Variants in SKI observed in about 807,000 individuals in gnomAD.
SKI encodes the protein ski oncogene.
SKI carries 23 observed loss-of-function variants against 59.3 expected under a neutral mutation model. The observed-to-expected ratio is 0.39, with a 90% confidence interval of 0.28 to 0.55. SKI has a LOEUF of 0.55. Among genes scored for constraint, SKI ranks in the 20% least tolerant of loss-of-function variants. The pLI, the probability that SKI is intolerant of heterozygous loss-of-function variation, is 0.67. For synonymous variants in SKI, 673 were observed against 488.6 expected, an observed-to-expected ratio of 1.38 and a Z score of -4.98; for missense variants, 1,017 against 1,038.9, an observed-to-expected ratio of 0.98 and a Z score of 0.29.
At chr1:2,288,655 GC>G (rs1640097210) in intron 1 of SKI, among the ~76,000 whole-genome samples, 1 of 152,174 alleles carries the variant, frequency 6.6e-6, no homozygotes, top group Non-Finnish European at 1.5e-5. Context: ...GTCCTGAGTG[GC>G]CTTGGTTGGC....
intron 1 of SKI, among the ~76,000 whole-genome samples, chr1:2,249,088 C>T (rs1002102873): frequency 2.0e-5 from 3 of 152,236 alleles, no homozygotes; most frequent in East Asian, 3.9e-4. Context: ...CAGATGCGGT[C>T]GAGTGCTGTT....
intron 1 of SKI, among the ~76,000 whole-genome samples, chr1:2,251,717 C>T (rs547159049): frequency 6.6e-5 from 10 of 152,356 alleles, no homozygotes; most frequent in African/African-American, 1.9e-4. Context: ...GATAGGTTCA[C>T]AGGTCTCAGC....
At chr1:2,256,690 G>A (rs534083681) in intron 1 of SKI, among the ~76,000 whole-genome samples, 11 of 152,360 alleles carry the variant, frequency 7.2e-5, no homozygotes, top group African/African-American at 1.4e-4. Context: ...ACTTGTCGGC[G>A]CTCCTCAGCG....
chr1:2,243,970 T>C (rs1250655526), intron 1 of SKI, among the ~76,000 whole-genome samples: 3 of 152,018 alleles, frequency 2.0e-5, no homozygotes, highest in Non-Finnish European at 4.4e-5. Context: ...CTTTCTTTCT[T>C]TCTTTCTTTT....
intron 1 of SKI, among the ~76,000 whole-genome samples, chr1:2,246,853 T>TG (rs74971112): frequency 0.35 from 53,250 of 151,580 alleles, 9,620 homozygotes; most frequent in Admixed American, 0.45. Flanking sequence ...AGGAACCTGA[T>TG]GGGGGGGGCC....
intron 1 of SKI, among the ~76,000 whole-genome samples, chr1:2,287,894 C>G (rs1433919593): frequency 6.6e-6 from 1 of 152,228 alleles, no homozygotes; most frequent in Non-Finnish European, 1.5e-5. Context: ...GAGCCCTGAG[C>G]CCCGCCTTGA....
chr1:2,289,214 C>T (rs1230640252), intron 1 of SKI, among the ~76,000 whole-genome samples: 2 of 152,186 alleles, frequency 1.3e-5, no homozygotes, highest in Non-Finnish European at 2.9e-5. Context: ...TTGAGCCTCT[C>T]TAGGCAGGGA....
At position 2,308,567 on chromosome 1, in the gene SKI, T is replaced by C. The variant is rs2173049; in HGVS notation, c.*1802T>C. 0.83 allele frequency: 126,508 copies of C among 152,152 alleles called. 52,858 individuals carry two copies. Among genetic ancestry groups the C allele is most frequent in the Admixed American group, 0.86 (13,221 of 15,292 alleles). 9.4% of individuals were successfully genotyped at this position (152,152 alleles called of 1,614,324 possible). A position where few individuals can be genotyped will look rare whatever the true frequency, so the allele number is the denominator to read the frequency against. ...AAAGGGTCGGTTTTGTTATGCAACATGCAGAATGCTGTTTTTAGCCTTGTT... is the reference window on the plus strand; with the variant it reads ...AAAGGGTCGGTTTTGTTATGCAACACGCAGAATGCTGTTTTTAGCCTTGTT... On this transcript the variant is annotated 3_prime_UTR_variant, in exon 7 of 7. Coordinates refer to ENST00000378536, the MANE Select transcript of SKI (RefSeq NM_003036.4).
intron 1 of SKI, among the ~76,000 whole-genome samples, chr1:2,302,446 CG>C (rs1335051615): frequency 6.6e-6 from 1 of 152,174 alleles, no homozygotes; most frequent in Non-Finnish European, 1.5e-5. Context: ...CACAGGGACA[CG>C]GTGTCCCCTC....
chr1:2,242,895 G>A (rs1638910628), intron 1 of SKI, among the ~76,000 whole-genome samples: 1 of 152,224 alleles, frequency 6.6e-6, no homozygotes, highest in South Asian at 2.1e-4. Context: ...TATTTCTGTG[G>A]CTGTGTTCTC....
rs766341191 is a variant in SKI, at chr1:2,303,893, C to T, written c.1265C>T (p.Ala422Val). 1.9e-6 allele frequency: 3 copies of T among 1,612,344 alleles called. No homozygotes were observed. In the East Asian group the frequency reaches 6.7e-5, roughly 36 times the overall value. Residue 422 changes from alanine (A) to valine (V), a missense_variant, in exon 4 of 7, where the codon GCA becomes GTA. Coordinates refer to ENST00000378536, the MANE Select transcript of SKI (RefSeq NM_003036.4). The surrounding 1 kb of genome is among the most constrained non-coding windows in gnomAD (Gnocchi z 5.6). ...ETAVAPNVAL[A>V]PPAQQKVVSS... is the part of the protein sequence containing the mutation. ...GCCGTGGCGCCCAACGTGGCCCTCGCACCGCCGGCCCAGCAGAAGGTTGTG... is the reference window on the plus strand; with the variant it reads ...GCCGTGGCGCCCAACGTGGCCCTCGTACCGCCGGCCCAGCAGAAGGTTGTG...
rs541130281 is a variant in SKI at position 2,267,603 on chromosome 1, G to A, written c.970-35375G>A. ...CATTAGGGGCCACGTGGTCAGCACT[G>A]CACTCTGCTCTCATCGGAAGCTGGG... On this transcript the variant is annotated intron_variant, in intron 1 of 6. Coordinates refer to ENST00000378536, the MANE Select transcript of SKI (RefSeq NM_003036.4). This position sits in a 1 kb window ranked among gnomAD's most constrained non-coding sequence, Gnocchi z 4.1. Among the ~76,000 whole-genome samples the A allele has an allele frequency of 3.3e-5, 5 of 152,300 alleles. No individual in the cohort carries two copies. The East Asian group carries it at 7.7e-4, about 24-fold the overall frequency.
At chr1:2,237,675 A>C (rs1457036479) in intron 1 of SKI, among the ~76,000 whole-genome samples, 2 of 152,216 alleles carry the variant, frequency 1.3e-5, no homozygotes, top group African/African-American at 2.4e-5. Context: ...TGCTTTTACT[A>C]TGGAGCAGAT....
At chr1:2,280,330 G>C (rs1639845308) in intron 1 of SKI, among the ~76,000 whole-genome samples, 1 of 151,732 alleles carries the variant, frequency 6.6e-6, no homozygotes, top group Non-Finnish European at 1.5e-5. Flanking sequence ...GAGCTGAGAT[G>C]GCACCACTGC....
chr1:2,231,582 C>T (rs1163937167), intron 1 of SKI, among the ~76,000 whole-genome samples: 2 of 152,308 alleles, frequency 1.3e-5, no homozygotes, highest in African/African-American at 2.4e-5. Context: ...CAGCGGATGC[C>T]TCCGAGCCGC....
rs1169551053 is a variant in SKI, at chr1:2,270,025, G to T, written c.970-32953G>T. Reference sequence around the variant, plus strand: ...GCCTGTGGCTGGCGTGGGTCTGGCGGGTCTGGCATGTTTGGTGGTGCCTGC... The same window carrying T: ...GCCTGTGGCTGGCGTGGGTCTGGCGTGTCTGGCATGTTTGGTGGTGCCTGC... On this transcript the variant is annotated intron_variant, in intron 1 of 6. Coordinates refer to ENST00000378536, the MANE Select transcript of SKI (RefSeq NM_003036.4). The surrounding 1 kb of genome is among the most constrained non-coding windows in gnomAD (Gnocchi z 4.1). 6.6e-6 allele frequency among the ~76,000 whole-genome samples: 1 copy of T among 151,864 alleles called. No homozygotes were observed. The highest frequency in any genetic ancestry group is 1.5e-5 in the Non-Finnish European group (1 of 67,932).
intron 1 of SKI, among the ~76,000 whole-genome samples, chr1:2,273,143 C>T (rs1569780957): frequency 6.6e-6 from 1 of 152,216 alleles, no homozygotes. Context: ...GGGGTGTTTT[C>T]GGCCGTCTGA....
Position 2,267,976 on chromosome 1 carries a change from G to T in SKI, c.970-35002G>T, listed in dbSNP as rs1639534980. On this transcript the variant is annotated intron_variant, in intron 1 of 6. Transcript: ENST00000378536. This position sits in a 1 kb window ranked among gnomAD's most constrained non-coding sequence, Gnocchi z 4.1. ...GGTGGTCGTGGCTCTGTGGGTGCCG[G>T]GCAGAGGCCTCCCAGGCTGGGCAGC... 6.6e-6 allele frequency among the ~76,000 whole-genome samples: 1 copy of T among 152,182 alleles called. No homozygotes were observed. Among genetic ancestry groups the T allele is most frequent in the Non-Finnish European group, 1.5e-5 (1 of 68,014 alleles).
intron 1 of SKI, among the ~76,000 whole-genome samples, chr1:2,297,813 G>T (rs1046185809): frequency 2.6e-5 from 4 of 152,258 alleles, no homozygotes; most frequent in African/African-American, 9.6e-5. Flanking sequence ...GGGCCCGCCC[G>T]GTGTGCATGG....
Sources: gnomAD v4.1 joint callset for allele counts (sites outside exome capture counted in the v4.1 genomes callset) on GRCh38, gnomAD v4.1.1 for gene constraint, Gnocchi (gnomAD v3.1) non-coding constraint, MANE v1.5 for transcripts, NCBI Gene and HGNC (gene_info 2026-07-23, HGNC 2026-07-21) for gene names.